Variants in ZNF823 observed in about 807,000 individuals in gnomAD.
ZNF823 encodes ZFP 36 for a zinc finger protein.
In ZNF823, 5 loss-of-function variants were observed where a neutral mutation model predicts 11.4. That is an observed-to-expected ratio of 0.44 (90% CI 0.23 to 0.92). The LOEUF (loss-of-function observed/expected upper bound fraction) is 0.92, where lower values mean the gene tolerates loss of function less well. Among genes scored for constraint, ZNF823 ranks in the 40% least tolerant of loss-of-function variants. The pLI, the probability that ZNF823 is intolerant of heterozygous loss-of-function variation, is 0.24. For missense variants in ZNF823, 582 were observed against 738.5 expected (o/e 0.79, Z 2.46); for synonymous variants, 234 against 250.5 (o/e 0.93, Z 0.62).
intron 1 of ZNF823, among the ~76,000 whole-genome samples, chr19:11,728,066 A>C (rs1451765802): frequency 6.6e-6 from 1 of 152,022 alleles, no homozygotes; most frequent in Non-Finnish European, 1.5e-5. Context: ...TTTAGTAGAG[A>C]CGGGGTTTCA....
At chr19:11,723,638 C>T (rs914206457) in intron 3 of ZNF823, among the ~76,000 whole-genome samples, 7 of 152,166 alleles carry the variant, frequency 4.6e-5, no homozygotes, top group Admixed American at 6.6e-5. Flanking sequence ...CTCTGCCTCT[C>T]GGATTCAAGC....
rs756194619 is a variant in ZNF823, at chr19:11,722,315, C to T, written c.1219G>A (p.Glu407Lys). Residue 407 changes from glutamate (E) to lysine (K), a missense_variant, in exon 4 of 4, where the codon GAA (glutamate) becomes AAA (lysine). Glu to Lys is a moderately conservative substitution (Grantham distance 56). This residue lies in a region of ZNF823 where 429 missense variants were observed against 553.7 expected (regional missense o/e 0.77). Transcript: ENST00000341191. The surrounding 1 kb of genome is among the most constrained non-coding windows in gnomAD (Gnocchi z 5.2). ...FGCPSLFQRH[E>K]RTHTGEKPYQ... is the part of the protein sequence containing the mutation. ...GGTTTCTCTCCAGTGTGAGTCCTTT[C>T]ATGTCTTTGAAATAAACTGGGACAA... is the stretch of plus-strand genomic sequence containing the variant. 2 of 1,614,180 alleles carry T rather than the reference C, an allele frequency of 1.2e-6. No homozygotes were observed. The highest frequency in any genetic ancestry group is 1.1e-5 in the South Asian group (1 of 91,084).
At position 11,721,890 on chromosome 19, in the gene ZNF823, A is replaced by G; in HGVS notation, c.1644T>C (p.Ile548=). Reference sequence around the variant, plus strand: ...ATTCATAGGGTTTCTCTCCAGTGTGAATTCTTTCATGTCGTAGAAGGCAAG... The same window carrying G: ...ATTCATAGGGTTTCTCTCCAGTGTGGATTCTTTCATGTCGTAGAAGGCAAG... The part of the protein sequence containing the change: ...WLTCLLRHER[I]HTGEKPYECL... The change falls in exon 4 of 4, where the codon ATT becomes ATC. Residue 548 remains isoleucine, a synonymous_variant. Coordinates refer to ENST00000341191, the MANE Select transcript of ZNF823 (RefSeq NM_001080493.4). 6.2e-7 allele frequency: 1 copy of G among 1,613,918 alleles called. No homozygotes were observed. The highest frequency in any genetic ancestry group is 2.2e-5 in the East Asian group (1 of 44,846).
At chr19:11,738,333 C>T (rs1397388901) in intron 1 of ZNF823, among the ~76,000 whole-genome samples, 1 of 152,202 alleles carries the variant, frequency 6.6e-6, no homozygotes, top group Non-Finnish European at 1.5e-5. Context: ...TCCCAGGAGT[C>T]ACCTCTCACT....
rs1481826639 is a variant in ZNF823, at chr19:11,722,997, G to A, written c.537C>T (p.Leu179=). Residue 179 remains leucine (L), a synonymous_variant, in exon 4 of 4, where the codon CTC becomes CTT. Coordinates refer to ENST00000341191, the MANE Select transcript of ZNF823 (RefSeq NM_001080493.4). This position sits in a 1 kb window ranked among gnomAD's most constrained non-coding sequence, Gnocchi z 5.2. ...CAKTFSSLGN[L]RRHMAAHHGD... ...CATGGTGTGCCGCCATGTGTCTTCG[G>A]AGGTTTCCAAGAGAACTAAAGGTTT... The A allele has an allele frequency of 2.5e-6, 4 of 1,614,204 alleles. No homozygotes were observed. In the South Asian group the frequency reaches 4.4e-5, roughly 18 times the overall value.
At chr19:11,726,948 C>A (rs1429822365) in intron 1 of ZNF823, among the ~76,000 whole-genome samples, 1 of 152,138 alleles carries the variant, frequency 6.6e-6, no homozygotes, top group Non-Finnish European at 1.5e-5. Context: ...AAACTGGCAA[C>A]TGGTTTCCAT....
chr19:11,728,765 G>T (rs369962112), intron 1 of ZNF823, among the ~76,000 whole-genome samples: 7 of 152,234 alleles, frequency 4.6e-5, no homozygotes, highest in African/African-American at 1.4e-4. Flanking sequence ...TCAAGTATAA[G>T]AATAGAAAAC....
chr19:11,726,287 C>CATATACACATATATATAT (rs1555766612), intron 1 of ZNF823, among the ~76,000 whole-genome samples: 3 of 112,244 alleles, frequency 2.7e-5, no homozygotes, highest in Non-Finnish European at 4.0e-5. Flanking sequence ...ATAAAAAATA[C>CATATACACATATATATAT]ATATATATAT....
At position 11,722,756 on chromosome 19, in the gene ZNF823, A is replaced by G; in HGVS notation, c.778T>C (p.Tyr260His). ...CKQCSKAFPD[Y>H]STYLRHERTH... is the part of the protein sequence containing the mutation. ...CTCTCATGTCTTAGATAGGTACTGT[A>G]ATCAGGAAAGGCTTTGGAACACTGC... The change falls in exon 4 of 4, where the codon TAC becomes CAC. Residue 260 changes from tyrosine to histidine, a missense_variant. This residue lies in a region of ZNF823 where 429 missense variants were observed against 553.7 expected (regional missense o/e 0.77). Coordinates refer to ENST00000341191, the MANE Select transcript of ZNF823 (RefSeq NM_001080493.4). The surrounding 1 kb of genome is among the most constrained non-coding windows in gnomAD (Gnocchi z 5.2). 1 of 1,614,066 alleles carries G rather than the reference A, an allele frequency of 6.2e-7. No homozygotes were observed. The highest frequency in any genetic ancestry group is 8.5e-7 in the Non-Finnish European group (1 of 1,180,016).
chr19:11,736,074 AT>A (rs1367580332), intron 1 of ZNF823, among the ~76,000 whole-genome samples: 1 of 150,712 alleles, frequency 6.6e-6, no homozygotes, highest in Non-Finnish European at 1.5e-5. Context: ...ACGAACTAAC[AT>A]TTTGGTAAAT....
intron 1 of ZNF823, chr19:11,726,051 G>A: frequency 1.5e-5 from 2 of 136,038 alleles, no homozygotes; most frequent in African/African-American, 2.7e-5. Context: ...AACATGGTGA[G>A]ACCTTGTCTC....
chr19:11,735,939 T>C (rs1312333878), intron 1 of ZNF823, among the ~76,000 whole-genome samples: 2 of 150,586 alleles, frequency 1.3e-5, no homozygotes, highest in African/African-American at 5.0e-5. Context: ...AAATGAATAA[T>C]GATATTTGAG....
chr19:11,729,425 C>A (rs1028199828), intron 1 of ZNF823, among the ~76,000 whole-genome samples: 1 of 152,118 alleles, frequency 6.6e-6, no homozygotes, highest in Non-Finnish European at 1.5e-5. Context: ...ACATAATAAT[C>A]ATTAATATCT....
At position 11,723,535 on chromosome 19, in the gene ZNF823, ATTCT is replaced by A. The variant is rs536875102; in HGVS notation, c.192-197_192-194del. Among the ~76,000 whole-genome samples, 290 of 151,958 alleles carry A rather than the reference ATTCT, an allele frequency of 1.9e-3. 1 individual carries two copies. Among genetic ancestry groups the A allele is most frequent in the African/African-American group, 5.6e-3 (234 of 41,436 alleles). On this transcript the variant is annotated intron_variant, in intron 3 of 3. Transcript: ENST00000341191. ...GCAAAACAGTGATATTCACATGGAG[ATTCT>A]TTCTTTCTTTCTTTCTTTTTTTTGA...
At chr19:11,733,223 T>C (rs919082581) in intron 1 of ZNF823, among the ~76,000 whole-genome samples, 1 of 151,798 alleles carries the variant, frequency 6.6e-6, no homozygotes. Flanking sequence ...AAAAATTAGT[T>C]GGGCGTGGTG....
At chr19:11,728,817 C>T (rs1380071571) in intron 1 of ZNF823, among the ~76,000 whole-genome samples, 1 of 149,502 alleles carries the variant, frequency 6.7e-6, no homozygotes, top group Non-Finnish European at 1.5e-5. Flanking sequence ...GTCAATACCA[C>T]TTTGAATGTG....
At chr19:11,725,352 G>A in intron 1 of ZNF823, 25 bp from the exon 2 acceptor site, 1 of 1,611,928 alleles carries the variant, frequency 6.2e-7, no homozygotes, top group Non-Finnish European at 8.5e-7. Context: ...ATGTGCAGAG[G>A]AGGAAGGTTG....
intron 1 of ZNF823, among the ~76,000 whole-genome samples, chr19:11,729,798 T>C (rs558056476): frequency 7.2e-5 from 11 of 152,190 alleles, no homozygotes; most frequent in Non-Finnish European, 1.6e-4. Context: ...ACTTGGTCAC[T>C]GGTCTGATAT....
intron 1 of ZNF823, among the ~76,000 whole-genome samples, chr19:11,731,197 A>G (rs1024141401): frequency 6.6e-6 from 1 of 151,860 alleles, no homozygotes; most frequent in Non-Finnish European, 1.5e-5. Flanking sequence ...CTGTAATCGC[A>G]GCTTCTCGGG....
Sources: gnomAD v4.1 joint callset for allele counts (sites outside exome capture counted in the v4.1 genomes callset) on GRCh38, gnomAD v4.1.1 for gene constraint, gnomAD v4.1.1 regional missense constraint, Gnocchi (gnomAD v3.1) non-coding constraint, MANE v1.5 for transcripts, NCBI Gene and HGNC (gene_info 2026-07-23, HGNC 2026-07-21) for gene names.